PLSCR2: variants seen among roughly 807,000 people sequenced by gnomAD.
PLSCR2 encodes the protein phospholipid scramblase 2.
PLSCR2 carries 18 observed loss-of-function variants against 25.3 expected under a neutral mutation model. The ratio of observed to expected loss-of-function variants is 0.71; its 90% CI spans 0.49 to 1.06. The LOEUF is 1.06. Among genes scored for constraint, PLSCR2 ranks in the 50% least tolerant of loss-of-function variants. The pLI is 0.00. For missense variants in PLSCR2, 243 were observed against 269.5 expected (o/e 0.90, Z 0.69); for synonymous variants, 88 against 87.3 (o/e 1.01, Z -0.04).
chr3:146,422,546 G>A lies in PLSCR2; in HGVS notation c.101-26625C>T, dbSNP rs149307490. Among the ~76,000 whole-genome samples, 143 of 151,884 alleles carry A rather than the reference G, an allele frequency of 9.4e-4. 1 individual carries two copies. The highest frequency in any genetic ancestry group is 3.3e-3 in the African/African-American group (135 of 41,422). ...ATAAACTTTCATCATTCCAGTTTCCGGGTTTCCCATTGATGGAACTGGTTA... is the reference window on the plus strand; with the variant it reads ...ATAAACTTTCATCATTCCAGTTTCCAGGTTTCCCATTGATGGAACTGGTTA... On this transcript the variant is annotated intron_variant and NMD_transcript_variant, in intron 2 of 3. Transcript: ENST00000463633.
At chr3:146,428,675 G>T (rs1442393750), downstream of PLSCR2, among the ~76,000 whole-genome samples, 3 of 152,042 alleles carry the variant, frequency 2.0e-5, no homozygotes, top group Non-Finnish European at 2.9e-5. Flanking sequence ...TCAGACAATG[G>T]CTTCTGCATT....
downstream of PLSCR2, among the ~76,000 whole-genome samples, chr3:146,430,322 G>A (rs1282291110): frequency 1.3e-5 from 2 of 152,036 alleles, no homozygotes; most frequent in African/African-American, 4.8e-5. Flanking sequence ...GGAAAATTAA[G>A]GCACAGGGAG....
chr3:146,442,615 A>G (rs1208063387), intron 6 of PLSCR2, among the ~76,000 whole-genome samples: 2 of 152,034 alleles, frequency 1.3e-5, no homozygotes, highest in Admixed American at 1.3e-4. Flanking sequence ...AAGAGACACA[A>G]TGACCAATGA....
chr3:146,419,239 A>G (rs2039074019), intron 2 of PLSCR2, among the ~76,000 whole-genome samples: 1 of 152,136 alleles, frequency 6.6e-6, no homozygotes, highest in Admixed American at 6.6e-5. Flanking sequence ...ACATTATGAC[A>G]CAGTTCAGCT....
chr3:146,483,917 A>G (rs1318181166), intron 1 of PLSCR2, among the ~76,000 whole-genome samples: 1 of 152,022 alleles, frequency 6.6e-6, no homozygotes, highest in Non-Finnish European at 1.5e-5. Flanking sequence ...CAGCAAGAGC[A>G]CAGAACTCGG....
chr3:146,487,420 T>A (rs1418841321), intron 1 of PLSCR2, among the ~76,000 whole-genome samples: 1 of 152,106 alleles, frequency 6.6e-6, no homozygotes, highest in African/African-American at 2.4e-5. Context: ...GAAAACCCCA[T>A]TATCTCAACC....
chr3:146,454,513 T>C (rs2041085599), intron 4 of PLSCR2, among the ~76,000 whole-genome samples: 1 of 152,202 alleles, frequency 6.6e-6, no homozygotes, highest in Non-Finnish European at 1.5e-5. Flanking sequence ...TCTCTATCTG[T>C]ATGATGTTCT....
At chr3:146,469,819 C>T (rs1398983507) in intron 1 of PLSCR2, among the ~76,000 whole-genome samples, 3 of 151,196 alleles carry the variant, frequency 2.0e-5, no homozygotes, top group African/African-American at 7.3e-5. Context: ...TGCCGCCCAG[C>T]CCGTCCCGTC....
chr3:146,451,116 T>C (rs1050423655), intron 5 of PLSCR2, among the ~76,000 whole-genome samples: 4 of 142,052 alleles, frequency 2.8e-5, no homozygotes, highest in Non-Finnish European at 6.1e-5. Context: ...TCTTTTTTTT[T>C]TTTTTTTTTT....
intron 2 of PLSCR2, among the ~76,000 whole-genome samples, chr3:146,399,067 C>T (rs533775854): frequency 4.6e-5 from 7 of 151,874 alleles, no homozygotes; most frequent in Non-Finnish European, 5.9e-5. Context: ...TCACTAAAGT[C>T]CTGAAATTTA....
intron 6 of PLSCR2, among the ~76,000 whole-genome samples, chr3:146,444,687 CTTGT>C (rs956408120): frequency 2.6e-5 from 4 of 151,554 alleles, no homozygotes; most frequent in African/African-American, 9.7e-5. Flanking sequence ...TAGGTTGCGT[CTTGT>C]TTGTTTTTTT....
chr3:146,479,303 G>T (rs1321930341), intron 1 of PLSCR2, among the ~76,000 whole-genome samples: 3 of 152,172 alleles, frequency 2.0e-5, no homozygotes, highest in African/African-American at 7.2e-5. Flanking sequence ...CTGGCAAATT[G>T]GATAAAGAGT....
chr3:146,416,044 G>C (rs1056020678), intron 2 of PLSCR2, among the ~76,000 whole-genome samples: 2 of 151,984 alleles, frequency 1.3e-5, no homozygotes, highest in African/African-American at 4.8e-5. Context: ...TCTGTTTCCC[G>C]GGTTCACACC....
intron 3 of PLSCR2, among the ~76,000 whole-genome samples, chr3:146,457,743 A>G (rs138022724): frequency 0.018 from 2,706 of 152,360 alleles, 36 homozygotes; most frequent in Non-Finnish European, 0.023. Flanking sequence ...TGGAGAGAAA[A>G]GAGCTGAAGT....
chr3:146,436,447 C>T (rs1042708488), intron 8 of PLSCR2, among the ~76,000 whole-genome samples: 2 of 152,142 alleles, frequency 1.3e-5, no homozygotes, highest in East Asian at 1.9e-4. Context: ...TCTTTTATTT[C>T]GTTGAGAAGT....
chr3:146,406,861 G>A (rs952523764), intron 2 of PLSCR2, among the ~76,000 whole-genome samples: 3 of 152,168 alleles, frequency 2.0e-5, no homozygotes, highest in Non-Finnish European at 4.4e-5. Context: ...GCAGGACCCC[G>A]TCTGGTCAGG....
downstream of PLSCR2, among the ~76,000 whole-genome samples, chr3:146,431,984 T>C (rs1166592015): frequency 3.9e-5 from 6 of 152,204 alleles, no homozygotes; most frequent in Admixed American, 3.3e-4. Context: ...TTACTGATGA[T>C]GTTTATTTTA....
chr3:146,419,744 T>C (rs895347769), intron 2 of PLSCR2, among the ~76,000 whole-genome samples: 2 of 152,112 alleles, frequency 1.3e-5, no homozygotes, highest in African/African-American at 4.8e-5. Context: ...CCTTCCTCCA[T>C]CTTCACAATC....
upstream of PLSCR2, among the ~76,000 whole-genome samples, chr3:146,460,623 T>C (rs905714958): frequency 1.3e-5 from 2 of 152,190 alleles, no homozygotes; most frequent in African/African-American, 4.8e-5. Flanking sequence ...GGATCCATTT[T>C]TAGTTGTCGC....
Sources: allele counts gnomAD v4.1 joint callset (sites outside exome capture counted in the v4.1 genomes callset), GRCh38; gene constraint gnomAD v4.1.1; transcripts MANE v1.5; gene names NCBI Gene and HGNC (gene_info 2026-07-23, HGNC 2026-07-21).